The following TAFA1 variants were observed in gnomAD, a reference collection of about 807,000 sequenced individuals.
The protein encoded by TAFA1 is chemokine-like protein TAFA-1.
A neutral mutation model predicts 18.5 loss-of-function variants in TAFA1; 4 were observed. That is an observed-to-expected ratio of 0.22 (90% CI 0.11 to 0.49). The LOEUF is 0.49. Among genes scored for constraint, TAFA1 ranks in the 20% least tolerant of loss-of-function variants. The pLI, the probability that TAFA1 is intolerant of heterozygous loss-of-function variation, is 0.98. For missense variants in TAFA1, 147 were observed against 169.0 expected, an observed-to-expected ratio of 0.87 and a Z score of 0.72; for synonymous variants, 56 against 55.2, an observed-to-expected ratio of 1.01 and a Z score of -0.06.
At chr3:68,352,985 A>T (rs983658556) in intron 2 of TAFA1, among the ~76,000 whole-genome samples, 2 of 152,058 alleles carry the variant, frequency 1.3e-5, no homozygotes, top group Non-Finnish European at 2.9e-5. Flanking sequence ...CGAAGAAGCC[A>T]AATTGACCCA....
intron 2 of TAFA1, among the ~76,000 whole-genome samples, chr3:68,190,381 G>C (rs1008034293): frequency 3.3e-5 from 5 of 151,780 alleles, no homozygotes; most frequent in Admixed American, 3.3e-4. Context: ...CTTGAAAATG[G>C]TTCCACACAC....
At chr3:67,999,732 C>T (rs1277446244), upstream of TAFA1, among the ~76,000 whole-genome samples, 1 of 151,738 alleles carries the variant, frequency 6.6e-6, no homozygotes, top group Non-Finnish European at 1.5e-5. Flanking sequence ...GGCCAGTTTC[C>T]TTTACTTAGT....
At chr3:68,225,001 C>T (rs1034248497) in intron 2 of TAFA1, among the ~76,000 whole-genome samples, 10 of 140,674 alleles carry the variant, frequency 7.1e-5, no homozygotes, top group African/African-American at 2.4e-4. Flanking sequence ...CTCTGCCTCC[C>T]GGGTTCAAGC....
At chr3:68,458,840 A>T (rs2071717708) in intron 3 of TAFA1, among the ~76,000 whole-genome samples, 2 of 151,980 alleles carry the variant, frequency 1.3e-5, no homozygotes. Flanking sequence ...GGCAAACCTG[A>T]ATGTAAATCC....
chr3:68,430,480 G>T (rs759088173), intron 3 of TAFA1, among the ~76,000 whole-genome samples: 1 of 151,978 alleles, frequency 6.6e-6, no homozygotes, highest in South Asian at 2.1e-4. Flanking sequence ...TCTTAAAACT[G>T]AGTCATGCTA....
chr3:68,134,302 C>A (rs375452363), intron 2 of TAFA1, among the ~76,000 whole-genome samples: 2 of 152,038 alleles, frequency 1.3e-5, no homozygotes, highest in Non-Finnish European at 2.9e-5. Context: ...AGGAGACCAA[C>A]GCTCAAGTCA....
chr3:68,227,801 G>A (rs1188096766), intron 2 of TAFA1, among the ~76,000 whole-genome samples: 2 of 152,052 alleles, frequency 1.3e-5, no homozygotes, highest in African/African-American at 2.4e-5. Context: ...CTCAATATTG[G>A]GAGCATCTGG....
intron 2 of TAFA1, among the ~76,000 whole-genome samples, chr3:68,154,257 G>A (rs1365339715): frequency 6.6e-6 from 1 of 152,118 alleles, no homozygotes; most frequent in African/African-American, 2.4e-5. Context: ...CACCTGAAGG[G>A]TTTTAGAGAC....
intron 3 of TAFA1, among the ~76,000 whole-genome samples, chr3:68,437,097 A>C (rs2106854185): frequency 6.6e-6 from 1 of 152,312 alleles, no homozygotes; most frequent in Admixed American, 6.5e-5. Flanking sequence ...GTTTAAAAGA[A>C]AGCTGGGAGG....
chr3:68,300,296 G>A (rs2068279928), intron 2 of TAFA1, among the ~76,000 whole-genome samples: 1 of 152,130 alleles, frequency 6.6e-6, no homozygotes. Flanking sequence ...GATCATTTGG[G>A]GACTTTAATA....
chr3:68,538,965 C>A, intron 4 of TAFA1, 85 bp downstream of exon 4: 1 of 1,416,540 alleles, frequency 7.1e-7, no homozygotes. Flanking sequence ...TCCACAGAAG[C>A]TTTGCACAGG....
intron 2 of TAFA1, among the ~76,000 whole-genome samples, chr3:68,097,836 G>A (rs2065103501): frequency 6.6e-6 from 1 of 152,104 alleles, no homozygotes; most frequent in Non-Finnish European, 1.5e-5. Flanking sequence ...TGCAGGGAAG[G>A]GAATAAAGAG....
intron 2 of TAFA1, among the ~76,000 whole-genome samples, chr3:68,040,739 C>A (rs1326718862): frequency 6.6e-6 from 1 of 152,130 alleles, no homozygotes; most frequent in African/African-American, 2.4e-5. Context: ...GGAAGTGAGA[C>A]CCAGCAATCT....
At chr3:68,482,933 C>T (rs2072265475) in intron 3 of TAFA1, among the ~76,000 whole-genome samples, 1 of 152,168 alleles carries the variant, frequency 6.6e-6, no homozygotes, top group South Asian at 2.1e-4. Flanking sequence ...TTAGTCCTGT[C>T]CCTGGACTGT....
intron 2 of TAFA1, among the ~76,000 whole-genome samples, chr3:68,129,120 G>A (rs537624136): frequency 4.5e-4 from 68 of 152,332 alleles, no homozygotes; most frequent in African/African-American, 1.3e-3. Context: ...CTAAGGGCGA[G>A]TGGGGCAGGA....
intron 2 of TAFA1, among the ~76,000 whole-genome samples, chr3:68,354,359 G>A (rs2069325585): frequency 6.6e-6 from 1 of 151,944 alleles, no homozygotes; most frequent in Non-Finnish European, 1.5e-5. Flanking sequence ...AAAGCCCTGT[G>A]TTTCCATCTA....
intron 2 of TAFA1, among the ~76,000 whole-genome samples, chr3:68,380,694 A>G (rs1357337916): frequency 1.4e-3 from 212 of 149,978 alleles, no homozygotes; most frequent in African/African-American, 4.7e-3. Flanking sequence ...AGTAGGCTGC[A>G]AAAATTTTCT....
At chr3:68,285,884 C>G (rs2067991408) in intron 2 of TAFA1, among the ~76,000 whole-genome samples, 1 of 152,118 alleles carries the variant, frequency 6.6e-6, no homozygotes, top group African/African-American at 2.4e-5. Context: ...ACGGCCCAGA[C>G]TTATGAATTA....
At chr3:68,243,669 A>G (rs2067031498) in intron 2 of TAFA1, among the ~76,000 whole-genome samples, 1 of 152,124 alleles carries the variant, frequency 6.6e-6, no homozygotes, top group African/African-American at 2.4e-5. Context: ...AGAGTTATGG[A>G]TGGACCACAG....
Sources: gnomAD v4.1 joint callset for allele counts (sites outside exome capture counted in the v4.1 genomes callset) on GRCh38, gnomAD v4.1.1 for gene constraint, MANE v1.5 for transcripts, NCBI Gene and HGNC (gene_info 2026-07-23, HGNC 2026-07-21) for gene names.